Variants in MRTFA observed in about 807,000 individuals in gnomAD.
MRTFA encodes myocardin-related transcription factor A.
Under a neutral mutation model 83.5 loss-of-function variants are expected in MRTFA, and 20 were observed. The observed-to-expected ratio is 0.24, with a 90% CI of 0.17 to 0.35. MRTFA has a LOEUF of 0.35. Ranked by LOEUF, MRTFA falls within the 10% of genes least tolerant of loss-of-function variation. The pLI is 1.00. For synonymous variants in MRTFA, 659 were observed against 541.2 expected, an observed-to-expected ratio of 1.22 and a Z score of -3.02; for missense variants, 1,200 against 1,224.7, an observed-to-expected ratio of 0.98 and a Z score of 0.30.
chr22:40,623,663 A>T (rs1255420407), intron 1 of MRTFA, among the ~76,000 whole-genome samples: 3 of 152,242 alleles, frequency 2.0e-5, no homozygotes, highest in Non-Finnish European at 4.4e-5. Context: ...AAAACATTTT[A>T]AAATTACATA....
intron 1 of MRTFA, among the ~76,000 whole-genome samples, chr22:40,625,760 C>G (rs2056575030): frequency 6.6e-6 from 1 of 152,074 alleles, no homozygotes; most frequent in East Asian, 1.9e-4. Context: ...GCCTGGGCAA[C>G]AGAGCAAGAA....
At chr22:40,563,584 C>A (rs2055661365) in intron 2 of MRTFA, among the ~76,000 whole-genome samples, 2 of 151,690 alleles carry the variant, frequency 1.3e-5, no homozygotes, top group African/African-American at 4.8e-5. Context: ...TAGAGAGGGC[C>A]AGGTGTAGTA....
At chr22:40,559,327 G>A (rs1338398642) in intron 2 of MRTFA, among the ~76,000 whole-genome samples, 1 of 152,148 alleles carries the variant, frequency 6.6e-6, no homozygotes, top group Non-Finnish European at 1.5e-5. Flanking sequence ...GGCTGAGGCT[G>A]CAGTGAGCTG....
At chr22:40,587,024 A>T in intron 2 of MRTFA, 1 of 477,790 alleles carries the variant, frequency 2.1e-6, no homozygotes, top group East Asian at 6.3e-5. Flanking sequence ...TGGTCTTTGC[A>T]TATGGGTTTA....
intron 4 of MRTFA, among the ~76,000 whole-genome samples, chr22:40,458,332 T>A (rs766932468): frequency 3.3e-5 from 5 of 152,170 alleles, no homozygotes; most frequent in Non-Finnish European, 7.3e-5. Flanking sequence ...TAATAGCACA[T>A]CAGAAACCAA....
intron 4 of MRTFA, among the ~76,000 whole-genome samples, chr22:40,456,763 T>C (rs1290789457): frequency 2.6e-5 from 4 of 152,198 alleles, no homozygotes; most frequent in South Asian, 4.1e-4. Flanking sequence ...TTACTGTTAC[T>C]GTATCGGCTC....
rs1569289064 is a variant in MRTFA, at chr22:40,480,536, T to C, written c.242-17250A>G. Among the ~76,000 whole-genome samples, 12 of 152,178 alleles carry C rather than the reference T, an allele frequency of 7.9e-5. No individual in the cohort carries two copies. The South Asian group carries it at 2.5e-3, about 32-fold the overall frequency. ...GGAAAATCCAGGTGATTTCAGTGAATAGTATGGAACATGTAGAGTATATGA... is the reference window on the plus strand; with the variant it reads ...GGAAAATCCAGGTGATTTCAGTGAACAGTATGGAACATGTAGAGTATATGA... On this transcript the variant is annotated intron_variant, in intron 3 of 14. Transcript: ENST00000355630.
intron 3 of MRTFA, among the ~76,000 whole-genome samples, chr22:40,500,133 G>T (rs922581149): frequency 6.6e-6 from 1 of 150,890 alleles, no homozygotes; most frequent in East Asian, 1.9e-4. Context: ...GTTTCACCAT[G>T]TTGGCCAGGC....
chr22:40,635,633 G>C (rs1470253511), intron 1 of MRTFA, among the ~76,000 whole-genome samples: 1 of 152,138 alleles, frequency 6.6e-6, no homozygotes, highest in Non-Finnish European at 1.5e-5. Flanking sequence ...TGCCAAGCTG[G>C]GCTAGTGCTT....
chr22:40,551,330 A>G (rs915563063), intron 3 of MRTFA, among the ~76,000 whole-genome samples: 1 of 152,132 alleles, frequency 6.6e-6, no homozygotes, highest in Admixed American at 6.6e-5. Flanking sequence ...AAGCCTTATA[A>G]AACATGCCAA....
intron 9 of MRTFA, among the ~76,000 whole-genome samples, chr22:40,421,807 C>T (rs1001451248): frequency 6.6e-6 from 1 of 152,082 alleles, no homozygotes; most frequent in African/African-American, 2.4e-5. Flanking sequence ...AGAGAGAGAC[C>T]ACGGAGAGCC....
intron 4 of MRTFA, chr22:40,436,319 C>G (rs536914762): frequency 6.5e-5 from 10 of 154,472 alleles, no homozygotes; most frequent in African/African-American, 2.4e-4. Flanking sequence ...ATAAAGTGGC[C>G]AAACTGTTTC....
intron 2 of MRTFA, among the ~76,000 whole-genome samples, chr22:40,586,321 C>T (rs550674239): frequency 6.6e-6 from 1 of 151,534 alleles, no homozygotes; most frequent in South Asian, 2.1e-4. Context: ...CCAGGCATCA[C>T]TGGAATGCGA....
chr22:40,586,889 TGCTGGTG>T, intron 2 of MRTFA: 1 of 206,630 alleles, frequency 4.8e-6, no homozygotes, highest in Admixed American at 4.6e-5. Flanking sequence ...CCTCTAGTGC[TGCTGGTG>T]CTGCTGGTGC....
chr22:40,466,174 C>T (rs545463090), intron 3 of MRTFA, among the ~76,000 whole-genome samples: 4 of 152,278 alleles, frequency 2.6e-5, no homozygotes, highest in South Asian at 4.1e-4. Flanking sequence ...AACAAATTTA[C>T]TCTAGGAAGT....
chr22:40,569,130 C>T (rs767414193), intron 2 of MRTFA, among the ~76,000 whole-genome samples: 3 of 152,144 alleles, frequency 2.0e-5, no homozygotes, highest in Non-Finnish European at 4.4e-5. Flanking sequence ...ATGGTACACA[C>T]CAGTAGTCCC....
At chr22:40,495,864 G>A (rs189826105) in intron 3 of MRTFA, among the ~76,000 whole-genome samples, 12 of 151,228 alleles carry the variant, frequency 7.9e-5, no homozygotes, top group African/African-American at 1.7e-4. Flanking sequence ...TCAGGAATTC[G>A]AGACCAGCCT....
chr22:40,609,948 T>C (rs1391881983), intron 1 of MRTFA, among the ~76,000 whole-genome samples: 1 of 152,088 alleles, frequency 6.6e-6, no homozygotes, highest in African/African-American at 2.4e-5. Context: ...TACAAACAGT[T>C]CTAATCAGAG....
intron 4 of MRTFA, among the ~76,000 whole-genome samples, chr22:40,445,926 T>G (rs1027347178): frequency 3.3e-5 from 5 of 152,226 alleles, no homozygotes; most frequent in African/African-American, 7.2e-5. Flanking sequence ...CCCCTACCTT[T>G]TTCATTTTCA....
Sources: allele counts gnomAD v4.1 joint callset (sites outside exome capture counted in the v4.1 genomes callset), GRCh38; gene constraint gnomAD v4.1.1; transcripts MANE v1.5; gene names NCBI Gene and HGNC (gene_info 2026-07-23, HGNC 2026-07-21).